The following TXLNB variants were observed in gnomAD, a reference collection of about 807,000 sequenced individuals.
TXLNB encodes the protein beta-taxilin.
Under a neutral mutation model 57.4 loss-of-function variants are expected in TXLNB, and 37 were observed. The ratio of observed to expected loss-of-function variants is 0.64; its 90% CI spans 0.50 to 0.85. TXLNB has a LOEUF of 0.85. Ranked by LOEUF, TXLNB falls within the 40% of genes least tolerant of loss-of-function variation. The pLI is 0.00. For missense variants in TXLNB, 848 were observed against 825.6 expected, an observed-to-expected ratio of 1.03 and a Z score of -0.33; for synonymous variants, 302 against 309.6, an observed-to-expected ratio of 0.98 and a Z score of 0.26.
chr6:139,309,288 A>T, the TXLNB span, among the ~76,000 whole-genome samples: 1 of 152,204 alleles, frequency 6.6e-6, no homozygotes, highest in Admixed American at 6.5e-5. Flanking sequence ...CTGATTTTCC[A>T]TATTTCTTAG....
chr6:139,243,744 G>A (rs1260365639), intron 9 of TXLNB, among the ~76,000 whole-genome samples: 3 of 152,152 alleles, frequency 2.0e-5, no homozygotes, highest in Non-Finnish European at 2.9e-5. Flanking sequence ...AAACTGCTAT[G>A]TGCTAATCCC....
At chr6:139,163,283 G>A in the TXLNB span, among the ~76,000 whole-genome samples, 1 of 151,976 alleles carries the variant, frequency 6.6e-6, no homozygotes, top group African/African-American at 2.4e-5. Context: ...CAGCCCAAAT[G>A]TCTGTAGTGC....
At chr6:139,248,177 C>T (rs1401571824) in intron 7 of TXLNB, among the ~76,000 whole-genome samples, 1 of 151,888 alleles carries the variant, frequency 6.6e-6, no homozygotes, top group East Asian at 1.9e-4. Context: ...GAGTTTGAGA[C>T]CAGGAGAATG....
chr6:139,194,092 C>T, the TXLNB span, among the ~76,000 whole-genome samples: 1 of 151,998 alleles, frequency 6.6e-6, no homozygotes, highest in African/African-American at 2.4e-5. Flanking sequence ...CCGCCCGCCT[C>T]GGCCTCCCAA....
chr6:139,274,748 T>C (rs181814002), intron 3 of TXLNB, among the ~76,000 whole-genome samples: 1 of 152,294 alleles, frequency 6.6e-6, no homozygotes, highest in East Asian at 1.9e-4. Flanking sequence ...CATCACTTCC[T>C]GTATTAGTCT....
the TXLNB span, among the ~76,000 whole-genome samples, chr6:139,186,803 A>G: frequency 2.0e-5 from 3 of 152,224 alleles, no homozygotes; most frequent in African/African-American, 7.2e-5. Flanking sequence ...GATTCTTCAT[A>G]CATGCAACAC....
chr6:139,210,224 G>C, the TXLNB span, among the ~76,000 whole-genome samples: 55,949 of 151,976 alleles, frequency 0.37, 13,066 homozygotes, highest in Non-Finnish European at 0.52. Flanking sequence ...ATGTTGGAGG[G>C]GGGTGTGGTG....
At position 139,250,357 on chromosome 6, in the gene TXLNB, CTT is replaced by C. The variant is rs61441759; in HGVS notation, c.1078-2450_1078-2449del. The stretch of plus-strand genomic sequence containing the variant: ...GTGTTTTTTCTTTCTTTCTTTCTTT[CTT>C]TTTTTTTTTTTTTTTTCAAAATACT... On this transcript the variant is annotated intron_variant, in intron 7 of 9. Coordinates refer to ENST00000358430, the MANE Select transcript of TXLNB (RefSeq NM_153235.4). Among the ~76,000 whole-genome samples the C allele has an allele frequency of 3.0e-3, 361 of 118,888 alleles. 1 individual carries two copies. Among genetic ancestry groups the C allele is most frequent in the African/African-American group, 0.011 (326 of 30,656 alleles). The allele number at this position is 118,888 out of a possible 152,430, so 78.0% of individuals were successfully genotyped here. A position where few individuals can be genotyped will look rare whatever the true frequency, so the allele number is the denominator to read the frequency against.
the TXLNB span, among the ~76,000 whole-genome samples, chr6:139,170,921 T>G: frequency 3.3e-5 from 5 of 152,174 alleles, no homozygotes; most frequent in South Asian, 1.0e-3. Context: ...GAGGGGATAT[T>G]GTCAAGAGGT....
At chr6:139,198,288 G>T in the TXLNB span, among the ~76,000 whole-genome samples, 83,760 of 151,640 alleles carry the variant, frequency 0.55, 24,096 homozygotes, top group Non-Finnish European at 0.59. Flanking sequence ...TCTTGGGTAG[G>T]GCTGCTGGGG....
the TXLNB span, among the ~76,000 whole-genome samples, chr6:139,195,323 A>G: frequency 0.6 from 90,848 of 152,016 alleles, 28,261 homozygotes; most frequent in African/African-American, 0.64. Flanking sequence ...TAGTTTTATG[A>G]TAGCTATATA....
the TXLNB span, among the ~76,000 whole-genome samples, chr6:139,208,323 AG>A: frequency 6.6e-6 from 1 of 152,226 alleles, no homozygotes; most frequent in Admixed American, 6.5e-5. Context: ...CAACAAAAAA[AG>A]TACAGTACCA....
At chr6:139,302,684 G>A in the TXLNB span, among the ~76,000 whole-genome samples, 2 of 151,806 alleles carry the variant, frequency 1.3e-5, no homozygotes, top group East Asian at 1.9e-4. Flanking sequence ...GAGGGAGGCT[G>A]AGGCAAGAGA....
At chr6:139,317,316 C>G in the TXLNB span, among the ~76,000 whole-genome samples, 1 of 151,794 alleles carries the variant, frequency 6.6e-6, no homozygotes, top group African/African-American at 2.4e-5. Flanking sequence ...AATTACCAGA[C>G]ATCCCAAGAG....
Position 139,242,950 on chromosome 6 carries a change from G to C in TXLNB, c.1631C>G (p.Pro544Arg), listed in dbSNP as rs1257628377. The C allele has an allele frequency of 6.2e-7, 1 of 1,614,184 alleles. No homozygotes were observed. The highest frequency in any genetic ancestry group is 1.1e-5 in the South Asian group (1 of 91,082). The change falls in exon 10 of 10, where the codon CCC (proline) becomes CGC (arginine). Residue 544 changes from proline (P) to arginine (R), a missense_variant. Coordinates refer to ENST00000358430, the MANE Select transcript of TXLNB (RefSeq NM_153235.4). ...TGAATCCCGTGAAGGGATCAGAGGG[G>C]GTTGCTCTGGCTCCTTGAGAGCGGC... Reference protein sequence around the residue: ...ADAALKEPEQPPLIPSRDSES... With the variant: ...ADAALKEPEQRPLIPSRDSES...
At chr6:139,275,199 C>G (rs1427404628) in intron 3 of TXLNB, among the ~76,000 whole-genome samples, 1 of 151,992 alleles carries the variant, frequency 6.6e-6, no homozygotes, top group Admixed American at 6.6e-5. Flanking sequence ...TGATGATGTT[C>G]AATGCAGAAA....
chr6:139,227,999 C>A, the TXLNB span, among the ~76,000 whole-genome samples: 30 of 152,150 alleles, frequency 2.0e-4, no homozygotes, highest in Non-Finnish European at 4.3e-4. Context: ...AATAAATCAT[C>A]ATTTTTGCAA....
At chr6:139,249,095 G>T (rs1459594138) in intron 7 of TXLNB, among the ~76,000 whole-genome samples, 1 of 152,238 alleles carries the variant, frequency 6.6e-6, no homozygotes, top group East Asian at 1.9e-4. Context: ...GTTAGCATTT[G>T]CCAAGTGTAT....
chr6:139,170,649 G>C, the TXLNB span: 2 of 152,244 alleles, frequency 1.3e-5, no homozygotes, highest in Non-Finnish European at 2.9e-5. Flanking sequence ...TTGGAGCCAA[G>C]GGTGTTCTAG....
Sources: allele counts gnomAD v4.1 joint callset (sites outside exome capture counted in the v4.1 genomes callset), GRCh38; gene constraint gnomAD v4.1.1; transcripts MANE v1.5; gene names NCBI Gene and HGNC (gene_info 2026-07-23, HGNC 2026-07-21).